The following ANK3 variants were observed in gnomAD, a reference collection of about 807,000 sequenced individuals.
ANK3 encodes ankyrin-3.
Under a neutral mutation model 370.9 loss-of-function variants are expected in ANK3, and 57 were observed. That is an observed-to-expected ratio of 0.15 (90% confidence interval 0.12 to 0.19). ANK3 has a LOEUF of 0.19. Among genes scored for constraint, ANK3 ranks in the 10% least tolerant of loss-of-function variants. ANK3 has a pLI of 1.00. For synonymous variants in ANK3, 1,929 were observed against 1,946.3 expected (o/e 0.99, Z 0.23); for missense variants, 4,439 against 5,302.1 (o/e 0.84, Z 5.06).
At chr10:60,164,428 T>C (rs778195639) in intron 23 of ANK3, among the ~76,000 whole-genome samples, 12 of 149,698 alleles carry the variant, frequency 8.0e-5, no homozygotes, top group Non-Finnish European at 1.6e-4. Context: ...TATTGAAACA[T>C]GCACAGGAGA....
intron 1 of ANK3, among the ~76,000 whole-genome samples, chr10:60,691,011 A>G (rs1373890642): frequency 1.3e-5 from 2 of 152,204 alleles, no homozygotes; most frequent in Non-Finnish European, 2.9e-5. Context: ...TTTCTTCACC[A>G]TAAAGAACTC....
chr10:60,626,102 T>C (rs1427405628), intron 1 of ANK3, among the ~76,000 whole-genome samples: 2 of 152,154 alleles, frequency 1.3e-5, no homozygotes, highest in Non-Finnish European at 1.5e-5. Context: ...CTTCTCAGAA[T>C]AGTGTTTTTA....
upstream of ANK3, among the ~76,000 whole-genome samples, chr10:60,392,651 G>A (rs866014644): frequency 3.3e-5 from 5 of 152,306 alleles, no homozygotes; most frequent in South Asian, 4.1e-4. Flanking sequence ...AGGGTATGCC[G>A]GGCGCGGTGG....
intron 2 of ANK3, among the ~76,000 whole-genome samples, chr10:60,531,123 T>C (rs979287834): frequency 6.6e-6 from 1 of 152,164 alleles, no homozygotes. Flanking sequence ...GTGATGTTTT[T>C]GGACTTTGGG....
intron 2 of ANK3, among the ~76,000 whole-genome samples, chr10:60,480,525 A>C (rs1278739655): frequency 1.3e-5 from 2 of 152,206 alleles, no homozygotes; most frequent in Non-Finnish European, 2.9e-5. Context: ...TTTCCAAAAA[A>C]AAAATCAAGT....
At chr10:60,406,366 A>T (rs929345462) in intron 2 of ANK3, among the ~76,000 whole-genome samples, 1 of 152,218 alleles carries the variant, frequency 6.6e-6, no homozygotes, top group Admixed American at 6.5e-5. Context: ...GACTGGTTTC[A>T]TAAATGACAA....
intron 2 of ANK3, among the ~76,000 whole-genome samples, chr10:60,429,174 T>C (rs977984652): frequency 6.6e-6 from 1 of 152,166 alleles, no homozygotes; most frequent in East Asian, 1.9e-4. Flanking sequence ...TTTGAAGTTA[T>C]GATGCTGAAT....
At chr10:60,143,181 C>T (rs1210368198) in intron 23 of ANK3, among the ~76,000 whole-genome samples, 3 of 138,370 alleles carry the variant, frequency 2.2e-5, no homozygotes, top group East Asian at 2.2e-4. Flanking sequence ...TCCCTGTTCT[C>T]CATTACTTAT....
At chr10:60,496,113 T>A (rs2133131920) in intron 2 of ANK3, among the ~76,000 whole-genome samples, 1 of 152,120 alleles carries the variant, frequency 6.6e-6, no homozygotes, top group African/African-American at 2.4e-5. Flanking sequence ...CAAACAAAAA[T>A]AAATTTTCTT....
intron 1 of ANK3, among the ~76,000 whole-genome samples, chr10:60,347,779 G>T (rs1299429698): frequency 6.6e-6 from 1 of 152,134 alleles, no homozygotes; most frequent in African/African-American, 2.4e-5. Flanking sequence ...GAATTTCTTT[G>T]TTAAGACACT....
Position 60,298,590 on chromosome 10 carries a change from C to A in ANK3, c.115-18951G>T, listed in dbSNP as rs147733966. ...GTTACTGCTTACGGCATGATAATTT[C>A]AAATTCAGTCTGTCATTTTATTACA... is the stretch of plus-strand genomic sequence containing the variant. On this transcript the variant is annotated intron_variant, in intron 1 of 43. Coordinates refer to ENST00000280772, the MANE Select transcript of ANK3 (RefSeq NM_020987.5). Among the ~76,000 whole-genome samples, 377 of 152,268 alleles carry A rather than the reference C, an allele frequency of 2.5e-3. 2 individuals are homozygous for A. Among genetic ancestry groups the A allele is most frequent in the Middle Eastern group, 0.024 (7 of 294 alleles).
At chr10:60,387,410 G>T (rs1230440860) in intron 1 of ANK3, among the ~76,000 whole-genome samples, 1 of 151,846 alleles carries the variant, frequency 6.6e-6, no homozygotes, top group Admixed American at 6.6e-5. Flanking sequence ...AATCTAGAGT[G>T]TTTTCAAAAT....
At chr10:60,100,468 G>A (rs2091054655) in intron 28 of ANK3, among the ~76,000 whole-genome samples, 1 of 151,878 alleles carries the variant, frequency 6.6e-6, no homozygotes, top group Admixed American at 6.6e-5. Context: ...GAACCCAATT[G>A]GCAACTTCTG....
At chr10:60,331,192 C>T (rs1040262303) in intron 1 of ANK3, among the ~76,000 whole-genome samples, 4 of 151,990 alleles carry the variant, frequency 2.6e-5, no homozygotes. Flanking sequence ...GTGCAGCAAA[C>T]CACCATGGCA....
intron 2 of ANK3, among the ~76,000 whole-genome samples, chr10:60,521,403 C>T (rs533793897): frequency 6.6e-6 from 1 of 152,178 alleles, no homozygotes; most frequent in African/African-American, 2.4e-5. Flanking sequence ...AAGCTATTAG[C>T]TACTTAGGCT....
chr10:60,135,176 A>G (rs967921878), intron 24 of ANK3, among the ~76,000 whole-genome samples: 3 of 152,154 alleles, frequency 2.0e-5, no homozygotes, highest in Admixed American at 1.3e-4. Context: ...GTGACCTTGC[A>G]TATATTCACA....
chr10:60,402,327 G>A (rs923608176), intron 2 of ANK3, among the ~76,000 whole-genome samples: 2 of 152,174 alleles, frequency 1.3e-5, no homozygotes, highest in Non-Finnish European at 2.9e-5. Context: ...GGGGTAAATG[G>A]TTTTGATGAG....
intron 1 of ANK3, among the ~76,000 whole-genome samples, chr10:60,377,412 C>G (rs2060933851): frequency 6.6e-6 from 1 of 152,206 alleles, no homozygotes; most frequent in South Asian, 2.1e-4. Context: ...GTGCCAATAT[C>G]AATTATGAGC....
chr10:60,563,648 G>T (rs568889736), intron 2 of ANK3, among the ~76,000 whole-genome samples: 34 of 152,232 alleles, frequency 2.2e-4, no homozygotes, highest in African/African-American at 7.5e-4. Flanking sequence ...CTCAGGTCAG[G>T]TCAGATTTTG....
Sources: gnomAD v4.1 joint callset for allele counts (sites outside exome capture counted in the v4.1 genomes callset) on GRCh38, gnomAD v4.1.1 for gene constraint, MANE v1.5 for transcripts, NCBI Gene and HGNC (gene_info 2026-07-23, HGNC 2026-07-21) for gene names.